The following GPD2 variants were observed in gnomAD, a reference collection of about 807,000 sequenced individuals.
GPD2 encodes glycerol-3-phosphate dehydrogenase, mitochondrial.
In GPD2, 54 loss-of-function variants were observed where a neutral mutation model predicts 82.4. The ratio of observed to expected loss-of-function variants is 0.66; its 90% CI spans 0.53 to 0.82. The LOEUF is 0.82. Ranked by LOEUF, GPD2 falls within the 40% of genes least tolerant of loss-of-function variation. The pLI is 0.00. For synonymous variants in GPD2, 288 were observed against 306.1 expected, an observed-to-expected ratio of 0.94 and a Z score of 0.62; for missense variants, 748 against 896.2, an observed-to-expected ratio of 0.83 and a Z score of 2.11.
chr2:156,561,039 G>GCTTTTTTTTTTTTTTTT, intron 9 of GPD2, among the ~76,000 whole-genome samples: 1 of 19,526 alleles, frequency 5.1e-5, no homozygotes, highest in Non-Finnish European at 1.2e-4. Context: ...GTGACATTAA[G>GCTTTTTTTTTTTTTTTT]CTTTTTTTTT....
chr2:156,548,283 G>A (rs1427710267), intron 6 of GPD2, among the ~76,000 whole-genome samples: 1 of 152,178 alleles, frequency 6.6e-6, no homozygotes, highest in Non-Finnish European at 1.5e-5. Context: ...ATCATGCTGA[G>A]TTGAAACTAT....
chr2:156,408,373 G>A, the GPD2 span, among the ~76,000 whole-genome samples: 1 of 152,154 alleles, frequency 6.6e-6, no homozygotes, highest in Non-Finnish European at 1.5e-5. Context: ...GTTTGATTAA[G>A]CTGAAAACAT....
the GPD2 span, among the ~76,000 whole-genome samples, chr2:156,415,014 T>G: frequency 6.6e-6 from 1 of 152,194 alleles, no homozygotes; most frequent in Non-Finnish European, 1.5e-5. Flanking sequence ...TTATTGGGGT[T>G]ACGTAAATTC....
At chr2:156,460,710 A>C (rs1024391174) in intron 1 of GPD2, among the ~76,000 whole-genome samples, 6 of 152,234 alleles carry the variant, frequency 3.9e-5, no homozygotes, top group African/African-American at 1.2e-4. Flanking sequence ...TATAAAAAAG[A>C]CTTCTGTTGG....
At chr2:156,524,062 T>C (rs1027591914) in intron 6 of GPD2, among the ~76,000 whole-genome samples, 1 of 152,184 alleles carries the variant, frequency 6.6e-6, no homozygotes, top group Non-Finnish European at 1.5e-5. Flanking sequence ...AATGGTGACG[T>C]TGGGGCTTCT....
At chr2:156,451,301 C>T (rs1310713121) in intron 1 of GPD2, among the ~76,000 whole-genome samples, 3 of 150,908 alleles carry the variant, frequency 2.0e-5, no homozygotes, top group Non-Finnish European at 3.0e-5. Context: ...GGCTGACCCC[C>T]CCACCTCCTT....
chr2:156,535,780 A>G (rs934316626), intron 6 of GPD2, among the ~76,000 whole-genome samples: 1 of 152,222 alleles, frequency 6.6e-6, no homozygotes, highest in Non-Finnish European at 1.5e-5. Context: ...CAACTGGTTT[A>G]TGTCAGCATT....
chr2:156,496,030 TGCTTTTACATCAGATGAACCTG>T lies in GPD2; in HGVS notation c.103-11_113del. ...TCCAAATGGACAACTGAAAGTGATC[TGCTTTTACATCAGATGAACCTG>T]GCCTATGTTAAAGCAGCAGACTGCA... On this transcript the variant is annotated splice_acceptor_variant and splice_polypyrimidine_tract_variant and coding_sequence_variant and intron_variant, in exon 3 of 17. Coordinates refer to ENST00000438166, the MANE Select transcript of GPD2 (RefSeq NM_000408.5). LOFTEE classifies it high-confidence loss of function. 1 of 1,605,146 alleles carries T rather than the reference TGCTTTTACATCAGATGAACCTG, an allele frequency of 6.2e-7. No homozygotes were observed. Among genetic ancestry groups the T allele is most frequent in the Non-Finnish European group, 8.5e-7 (1 of 1,172,794 alleles).
chr2:156,455,549 C>G (rs1351660804), intron 1 of GPD2, among the ~76,000 whole-genome samples: 1 of 152,172 alleles, frequency 6.6e-6, no homozygotes, highest in African/African-American at 2.4e-5. Flanking sequence ...CCACCCTATG[C>G]CCTAGTCAGA....
intron 8 of GPD2, among the ~76,000 whole-genome samples, chr2:156,553,186 C>T (rs1481238180): frequency 6.6e-6 from 1 of 152,032 alleles, no homozygotes; most frequent in East Asian, 1.9e-4. Flanking sequence ...CTGTGCCCGG[C>T]CCCTTATGTA....
chr2:156,427,620 C>T, the GPD2 span, among the ~76,000 whole-genome samples: 1 of 152,176 alleles, frequency 6.6e-6, no homozygotes, highest in Non-Finnish European at 1.5e-5. Flanking sequence ...CAATGATGTA[C>T]TGAAGATCTA....
chr2:156,571,556 A>T (rs192758952), intron 13 of GPD2, among the ~76,000 whole-genome samples: 123 of 152,292 alleles, frequency 8.1e-4, no homozygotes, highest in African/African-American at 2.9e-3. Context: ...TGATTGTAGT[A>T]TGGAACCTTT....
rs1310414817 is a variant in GPD2 at position 156,549,717 on chromosome 2, C to T, written c.771C>T (p.Asp257=). 1.2e-6 allele frequency: 2 copies of T among 1,613,790 alleles called. No homozygotes were observed. The highest frequency in any genetic ancestry group is 2.2e-5 in the South Asian group (2 of 91,078). ...TAGTGAGCTTGCTCAAGAAGACAGACCCCCAGACAGGGAAAGTGCGTGTGA... is the reference window on the plus strand; with the variant it reads ...TAGTGAGCTTGCTCAAGAAGACAGATCCCCAGACAGGGAAAGTGCGTGTGA... ...MEVVSLLKKT[D]PQTGKVRVSG... is the part of the protein sequence containing the mutation. Residue 257 remains aspartate, a synonymous_variant, in exon 7 of 17, where the codon GAC becomes GAT. Transcript: ENST00000438166.
chr2:156,476,355 G>T, intron 2 of GPD2, 148 bp downstream of exon 2: 1 of 668,238 alleles, frequency 1.5e-6, no homozygotes, highest in Non-Finnish European at 2.8e-6. Context: ...TTAGAACAGT[G>T]CCTTAATGAT....
chr2:156,452,508 G>A (rs754209625), intron 1 of GPD2, among the ~76,000 whole-genome samples: 15 of 152,334 alleles, frequency 9.8e-5, no homozygotes, highest in South Asian at 8.3e-4. Context: ...GTCCAGCTTC[G>A]GCTCGGCATC....
rs34524248 is a variant in GPD2, at chr2:156,558,765, C to CTTTTTTTTTTTT, written c.1165+1203_1165+1214dup. Among the ~76,000 whole-genome samples the CTTTTTTTTTTTT allele has an allele frequency of 6.6e-4, 27 of 40,882 alleles. 4 individuals are homozygous for CTTTTTTTTTTTT. The highest frequency in any genetic ancestry group is 1.2e-3 in the Admixed American group (3 of 2,600). 26.8% of individuals were successfully genotyped at this position (40,882 alleles called of 152,430 possible). On this transcript the variant is annotated intron_variant, in intron 9 of 16. Transcript: ENST00000438166. ...GGTGCCCACCACCACGCCCAGCTAA[C>CTTTTTTTTTTTT]TTTTTTTTTTTTTTTTTTTTTTTTT...
chr2:156,528,693 G>A (rs1685709365), intron 6 of GPD2, among the ~76,000 whole-genome samples: 1 of 149,946 alleles, frequency 6.7e-6, no homozygotes, highest in African/African-American at 2.5e-5. Flanking sequence ...GTGGTGTTCG[G>A]TTTTTTGTTC....
Position 156,496,192 on chromosome 2 carries a change from G to A in GPD2, c.251G>A (p.Cys84Tyr). 6.2e-7 allele frequency: 1 copy of A among 1,611,774 alleles called. No individual in the cohort carries two copies. Among genetic ancestry groups the A allele is most frequent in the Non-Finnish European group, 8.5e-7 (1 of 1,178,098 alleles). The change falls in exon 3 of 17, where the codon TGT becomes TAT. Residue 84 changes from cysteine (C) to tyrosine (Y), a missense_variant. Cys to Tyr is a radical substitution (Grantham distance 194). Coordinates refer to ENST00000438166, the MANE Select transcript of GPD2 (RefSeq NM_000408.5). ...GGAGGAGGAGCAACAGGAAGTGGCTGTGCGCTAGATGCTGTCACCAGAGGT... is the reference window on the plus strand; with the variant it reads ...GGAGGAGGAGCAACAGGAAGTGGCTATGCGCTAGATGCTGTCACCAGAGGT... ...VIGGGATGSGCALDAVTRGLK... is the reference protein window; with the variant it reads ...VIGGGATGSGYALDAVTRGLK...
chr2:156,483,909 G>C (rs1683829269), intron 2 of GPD2, among the ~76,000 whole-genome samples: 1 of 148,234 alleles, frequency 6.7e-6, no homozygotes, highest in Non-Finnish European at 1.5e-5. Flanking sequence ...CTGTGGGTTT[G>C]AAATCAGTGT....
Sources: allele counts gnomAD v4.1 joint callset (sites outside exome capture counted in the v4.1 genomes callset), GRCh38; gene constraint gnomAD v4.1.1; transcripts MANE v1.5; gene names NCBI Gene and HGNC (gene_info 2026-07-23, HGNC 2026-07-21).